Variants in CDKN2AIP observed in about 807,000 individuals in gnomAD.
CDKN2AIP encodes the protein CDKN2A interacting protein, also known as CDKN2A-interacting protein.
In CDKN2AIP, 12 loss-of-function variants were observed where a neutral mutation model predicts 44.1. That is an observed-to-expected ratio of 0.27 (90% CI 0.17 to 0.44). The LOEUF is 0.44. Among genes scored for constraint, CDKN2AIP ranks in the 20% least tolerant of loss-of-function variants. The probability of loss-of-function intolerance (pLI) is 1.00; values close to 1 mark genes in which losing one functional copy is unlikely to be tolerated. For synonymous variants in CDKN2AIP, 291 were observed against 272.1 expected (o/e 1.07, Z -0.68); for missense variants, 705 against 681.6 (o/e 1.03, Z -0.38).
rs1017380155 is a variant in CDKN2AIP, at chr4:183,444,859, C to A, written c.62C>A (p.Ala21Glu). 1.3e-6 allele frequency: 2 copies of A among 1,580,652 alleles called. No homozygotes were observed. Among genetic ancestry groups the A allele is most frequent in the Non-Finnish European group, 1.7e-6 (2 of 1,163,268 alleles). Residue 21 changes from alanine (A) to glutamate (E), a missense_variant, in exon 1 of 3, where the codon GCG (alanine) becomes GAG (glutamate). Physicochemically the swap from Ala to Glu is moderately radical, Grantham distance 107. Around this residue, in one of 2 missense-constraint regions of CDKN2AIP, gnomAD observed 592 missense variants for 518.0 expected, o/e 1.14. Coordinates refer to ENST00000504169, the MANE Select transcript of CDKN2AIP (RefSeq NM_017632.4). The part of the protein sequence containing the change: ...QNPRVAAWVE[A>E]LRCDGETDKH... The stretch of plus-strand genomic sequence containing the variant: ...CCGCGGGTGGCAGCCTGGGTGGAGG[C>A]GCTGCGCTGCGACGGCGAGACTGAC...
rs1376939091 is a variant in CDKN2AIP at position 183,446,526 on chromosome 4, C to T, written c.842C>T (p.Ala281Val). 1 of 1,613,632 alleles carries T rather than the reference C, an allele frequency of 6.2e-7. No homozygotes were observed. The highest frequency in any genetic ancestry group is 1.3e-5 in the African/African-American group (1 of 74,924). Residue 281 changes from alanine (A) to valine (V), a missense_variant, in exon 3 of 3, where the codon GCT becomes GTT. Physicochemically the swap from Ala to Val is moderately conservative, Grantham distance 64. Transcript: ENST00000504169. ...KSALEGSSAS[A>V]SQSSSEIEVP... ...GCTTTGGAAGGCTCTTCAGCCTCAG[C>T]TTCTCAAAGCAGCTCAGAGATCGAG...
intron 1 of CDKN2AIP, 129 bp downstream of exon 1, chr4:183,445,198 C>G: frequency 8.4e-7 from 1 of 1,196,330 alleles, no homozygotes; most frequent in South Asian, 1.5e-5. Context: ...ATCCGCCGGC[C>G]CGGCTGCCCT....
In CDKN2AIP at chr4:183,445,084, G is replaced by A. The variant is rs1287429315; in HGVS notation, c.272+15G>A. On this transcript the variant is annotated intron_variant, in intron 1 of 2. Coordinates refer to ENST00000504169, the MANE Select transcript of CDKN2AIP (RefSeq NM_017632.4). Reference sequence around the variant, plus strand: ...CTCGGGTGCCGGTGAGTGAGGCAGCGTCCCTAACCAGCACGCCTCGTTTTG... The same window carrying A: ...CTCGGGTGCCGGTGAGTGAGGCAGCATCCCTAACCAGCACGCCTCGTTTTG... 1.3e-6 allele frequency: 2 copies of A among 1,565,218 alleles called. No individual in the cohort carries two copies. Among genetic ancestry groups the A allele is most frequent in the South Asian group, 1.1e-5 (1 of 86,976 alleles).
chr4:183,446,087 G>A lies in CDKN2AIP; in HGVS notation c.404-1G>A, dbSNP rs949427155. ...CATATCTATGTTTTTCTTCTTTTTAGAAGGGGTAGAAGAGCCATCCAAAAA... is the reference window on the plus strand; with the variant it reads ...CATATCTATGTTTTTCTTCTTTTTAAAAGGGGTAGAAGAGCCATCCAAAAA... On this transcript the variant is annotated splice_acceptor_variant, in intron 2 of 2. Coordinates refer to ENST00000504169, the MANE Select transcript of CDKN2AIP (RefSeq NM_017632.4). LOFTEE classifies it high-confidence loss of function. 1.9e-6 allele frequency: 3 copies of A among 1,586,646 alleles called. No homozygotes were observed. Among genetic ancestry groups the A allele is most frequent in the Non-Finnish European group, 2.6e-6 (3 of 1,168,824 alleles).
chr4:183,447,718 G>C lies in CDKN2AIP; in HGVS notation c.*291G>C. The C allele has an allele frequency of 4.7e-6, 1 of 212,178 alleles. No homozygotes were observed. The highest frequency in any genetic ancestry group is 9.3e-6 in the Non-Finnish European group (1 of 107,246). The allele number at this position is 212,178 out of a possible 1,614,324, so 13.1% of individuals were successfully genotyped here. A position where few individuals can be genotyped will look rare whatever the true frequency, so the allele number is the denominator to read the frequency against. Reference sequence around the variant, plus strand: ...TAGGTACGATGTGTAGTTCGGTAGAGTCCTAAAATTTTTGTACTACTTTCA... The same window carrying C: ...TAGGTACGATGTGTAGTTCGGTAGACTCCTAAAATTTTTGTACTACTTTCA... On this transcript the variant is annotated 3_prime_UTR_variant, in exon 3 of 3. Transcript: ENST00000504169.
Position 183,448,665 on chromosome 4 carries a change from A to C in CDKN2AIP, c.*1238A>C, listed in dbSNP as rs1222829069. Reference sequence around the variant, plus strand: ...ATGGTGATAATATAGAGAGAAAAGAAAGACCTTTCATGGGCCAGTTGTGTT... The same window carrying C: ...ATGGTGATAATATAGAGAGAAAAGACAGACCTTTCATGGGCCAGTTGTGTT... On this transcript the variant is annotated 3_prime_UTR_variant, in exon 3 of 3. Transcript: ENST00000504169. 6.6e-6 allele frequency among the ~76,000 whole-genome samples: 1 copy of C among 152,186 alleles called. No individual in the cohort carries two copies. Among genetic ancestry groups the C allele is most frequent in the Non-Finnish European group, 1.5e-5 (1 of 68,016 alleles).
Position 183,446,877 on chromosome 4 carries a change from C to T in CDKN2AIP, c.1193C>T (p.Ser398Phe). Residue 398 changes from serine to phenylalanine, a missense_variant, in exon 3 of 3, where the codon TCT becomes TTT. This residue lies in a region of CDKN2AIP where 592 missense variants were observed against 518.0 expected (regional missense o/e 1.14). Coordinates refer to ENST00000504169, the MANE Select transcript of CDKN2AIP (RefSeq NM_017632.4). ...TSLASVSQLA[S>F]KSSSQTSTSQ... is the part of the protein sequence containing the mutation. ...TTAGCAAGTGTGTCCCAGTTGGCTT[C>T]TAAGAGTAGTTCTCAGACTAGCACC... is the stretch of plus-strand genomic sequence containing the variant. The T allele has an allele frequency of 6.2e-7, 1 of 1,614,150 alleles. No individual in the cohort carries two copies. Among genetic ancestry groups the T allele is most frequent in the Non-Finnish European group, 8.5e-7 (1 of 1,180,002 alleles).
chr4:183,446,988 A>G lies in CDKN2AIP; in HGVS notation c.1304A>G (p.Gln435Arg), dbSNP rs1403343943. Residue 435 changes from glutamine to arginine, a missense_variant, in exon 3 of 3, where the codon CAG (glutamine) becomes CGG (arginine). Gln to Arg is a conservative substitution (Grantham distance 43, BLOSUM62 1). Around this residue, in one of 2 missense-constraint regions of CDKN2AIP, gnomAD observed 113 missense variants for 163.6 expected, o/e 0.69. Coordinates refer to ENST00000504169, the MANE Select transcript of CDKN2AIP (RefSeq NM_017632.4). ...SCKLTNEDVK[Q>R]KQPFFNRLYK... ...AAGTTAACCAATGAAGATGTGAAAC[A>G]GAAGCAACCTTTTTTCAATAGACTA... 1.2e-6 allele frequency: 2 copies of G among 1,614,226 alleles called. No individual in the cohort carries two copies. The highest frequency in any genetic ancestry group is 1.7e-6 in the Non-Finnish European group (2 of 1,179,998).
Position 183,444,960 on chromosome 4 carries a change from G to T in CDKN2AIP, c.163G>T (p.Ala55Ser). 1 of 1,611,290 alleles carries T rather than the reference G, an allele frequency of 6.2e-7. No individual in the cohort carries two copies. Among genetic ancestry groups the T allele is most frequent in the Non-Finnish European group, 8.5e-7 (1 of 1,178,748 alleles). ...GGCCCCCGCTGGCGGCGCTGCCTCC[G>T]CTAGCACGGATGAAGCTGCCGACGC... ...DLAPAGGAASASTDEAADAES... is the reference protein window; with the variant it reads ...DLAPAGGAASSSTDEAADAES... The change falls in exon 1 of 3, where the codon GCT (alanine) becomes TCT (serine). Residue 55 changes from alanine (A) to serine (S), a missense_variant. Physicochemically the swap from Ala to Ser is moderately conservative, Grantham distance 99. Transcript: ENST00000504169.
intron 2 of CDKN2AIP, 137 bp downstream of exon 2, chr4:183,445,802 C>T (rs527775428): frequency 2.4e-5 from 18 of 737,226 alleles, no homozygotes; most frequent in Non-Finnish European, 2.9e-5. Flanking sequence ...GAATGTTAAA[C>T]CTAAAGTATA....
At position 183,447,095 on chromosome 4, in the gene CDKN2AIP, A is replaced by C; in HGVS notation, c.1411A>C (p.Ile471Leu). The C allele has an allele frequency of 6.2e-7, 1 of 1,614,038 alleles. No homozygotes were observed. Among genetic ancestry groups the C allele is most frequent in the East Asian group, 2.2e-5 (1 of 44,882 alleles). Residue 471 changes from isoleucine to leucine, a missense_variant, in exon 3 of 3, where the codon ATT becomes CTT. By Grantham distance (5) the Ile-to-Leu change is conservative. Coordinates refer to ENST00000504169, the MANE Select transcript of CDKN2AIP (RefSeq NM_017632.4). ...TCATGGAGAGCTCCTAAATGCAGCT[A>C]TTGAGGCTCTGAAAGCAACACTGGA... ...VNHGELLNAA[I>L]EALKATLDVF...
At position 183,446,995 on chromosome 4, in the gene CDKN2AIP, A is replaced by G. The variant is rs199963421; in HGVS notation, c.1311A>G (p.Gln437=). The G allele has an allele frequency of 3.0e-5, 49 of 1,614,022 alleles. No homozygotes were observed. The highest frequency in any genetic ancestry group is 9.3e-6 in the Non-Finnish European group (11 of 1,179,996). ...KLTNEDVKQK[Q]PFFNRLYKTV... ...CCAATGAAGATGTGAAACAGAAGCA[A>G]CCTTTTTTCAATAGACTATATAAAA... The change falls in exon 3 of 3, where the codon CAA becomes CAG. Residue 437 remains glutamine (Q), a synonymous_variant. Coordinates refer to ENST00000504169, the MANE Select transcript of CDKN2AIP (RefSeq NM_017632.4).
In CDKN2AIP at chr4:183,447,282, A is replaced by G; in HGVS notation, c.1598A>G (p.Lys533Arg). The G allele has an allele frequency of 6.2e-7, 1 of 1,611,870 alleles. No homozygotes were observed. The highest frequency in any genetic ancestry group is 8.5e-7 in the Non-Finnish European group (1 of 1,179,522). The change falls in exon 3 of 3, where the codon AAG (lysine) becomes AGG (arginine). Residue 533 changes from lysine to arginine, a missense_variant. By Grantham distance (26) the Lys-to-Arg change is conservative. Transcript: ENST00000504169. ...AKAVASREALKLFLKKKVVVK... is the reference protein window; with the variant it reads ...AKAVASREALRLFLKKKVVVK... ...GCAGTTGCATCAAGAGAAGCATTGA[A>G]GTTATTTCTCAAGAAAAAGGTGGTG...
Position 183,448,329 on chromosome 4 carries a change from C to T in CDKN2AIP, c.*902C>T, listed in dbSNP as rs1733726990. ...TTTAATTTTTTTTTTTACAGCAATC[C>T]CCTGAGCCAGAATAGATTAAAAGCG... On this transcript the variant is annotated 3_prime_UTR_variant, in exon 3 of 3. Transcript: ENST00000504169. The T allele has an allele frequency of 6.6e-6, 1 of 151,644 alleles. No homozygotes were observed. The highest frequency in any genetic ancestry group is 1.5e-5 in the Non-Finnish European group (1 of 67,898). The allele number at this position is 151,644 out of a possible 1,614,324, so 9.4% of individuals were successfully genotyped here.
In CDKN2AIP at chr4:183,444,944, T is replaced by C. The variant is rs751225087; in HGVS notation, c.147T>C (p.Ala49=). Residue 49 remains alanine, a synonymous_variant, in exon 1 of 3, where the codon GCT becomes GCC. Coordinates refer to ENST00000504169, the MANE Select transcript of CDKN2AIP (RefSeq NM_017632.4). ...GCAACGCCGGGGACCTGGCCCCCGCTGGCGGCGCTGCCTCCGCTAGCACGG... is the reference window on the plus strand; with the variant it reads ...GCAACGCCGGGGACCTGGCCCCCGCCGGCGGCGCTGCCTCCGCTAGCACGG... The part of the protein sequence containing the change: ...LLRNAGDLAP[A]GGAASASTDE... 3.7e-6 allele frequency: 6 copies of C among 1,611,284 alleles called. No homozygotes were observed. Among genetic ancestry groups the C allele is most frequent in the Admixed American group, 3.3e-5 (2 of 59,914 alleles).
chr4:183,448,788 GAATTACAT>G lies in CDKN2AIP; in HGVS notation c.*1373_*1380del, dbSNP rs139584709. On this transcript the variant is annotated 3_prime_UTR_variant, in exon 3 of 3. Transcript: ENST00000504169. ...AAAGATACTTTAATTTTTTATGCTA[GAATTACAT>G]AATTACATAATCAGATGTTTTAATT... is the stretch of plus-strand genomic sequence containing the variant. Among the ~76,000 whole-genome samples, 2,583 of 152,174 alleles carry G rather than the reference GAATTACAT, an allele frequency of 0.017. 71 individuals carry two copies. Among genetic ancestry groups the G allele is most frequent in the African/African-American group, 0.059 (2,451 of 41,514 alleles).
chr4:183,447,427 ATG>A lies in CDKN2AIP; in HGVS notation c.*4_*5del. 6.6e-7 allele frequency: 1 copy of A among 1,519,440 alleles called. No individual in the cohort carries two copies. Among genetic ancestry groups the A allele is most frequent in the Non-Finnish European group, 8.8e-7 (1 of 1,137,170 alleles). The allele number at this position is 1,519,440 out of a possible 1,614,324, so 94.1% of individuals were successfully genotyped here. A position where few individuals can be genotyped will look rare whatever the true frequency, so the allele number is the denominator to read the frequency against. On this transcript the variant is annotated 3_prime_UTR_variant, in exon 3 of 3. Transcript: ENST00000504169. ...TAAAACATCCTCAAGAATTACTATAATGTGTCCAAAATATCACTGCATACAAT... is the reference window on the plus strand; with the variant it reads ...TAAAACATCCTCAAGAATTACTATAATGTCCAAAATATCACTGCATACAAT...
At chr4:183,446,004 C>T in intron 2 of CDKN2AIP, 84 bp from the exon 3 acceptor site, 2 of 1,098,228 alleles carry the variant, frequency 1.8e-6, no homozygotes, top group Non-Finnish European at 2.6e-6. Flanking sequence ...TCACTTTGTG[C>T]CTTTATTTTA....
rs1274843796 is a variant in CDKN2AIP at position 183,446,241 on chromosome 4, A to G, written c.557A>G (p.Glu186Gly). The G allele has an allele frequency of 6.2e-7, 1 of 1,614,132 alleles. No homozygotes were observed. The highest frequency in any genetic ancestry group is 8.5e-7 in the Non-Finnish European group (1 of 1,179,958). The change falls in exon 3 of 3, where the codon GAG becomes GGG. Residue 186 changes from glutamate to glycine, a missense_variant. This residue lies in a region of CDKN2AIP where 592 missense variants were observed against 518.0 expected (regional missense o/e 1.14). Coordinates refer to ENST00000504169, the MANE Select transcript of CDKN2AIP (RefSeq NM_017632.4). Reference sequence around the variant, plus strand: ...TGTATAGGGTCGGCCATCAAATCAGAGAGTGGGAACTCAGCTCGGAGCTCT... The same window carrying G: ...TGTATAGGGTCGGCCATCAAATCAGGGAGTGGGAACTCAGCTCGGAGCTCT... ...STCIGSAIKS[E>G]SGNSARSSGI...
Sources: allele counts gnomAD v4.1 joint callset (sites outside exome capture counted in the v4.1 genomes callset), GRCh38; gene constraint gnomAD v4.1.1; regional missense constraint gnomAD v4.1.1; transcripts MANE v1.5; gene names NCBI Gene and HGNC (gene_info 2026-07-23, HGNC 2026-07-21).